Variants in CEP128 observed in about 807,000 individuals in gnomAD.
CEP128 encodes centrosomal protein 128kDa.
A neutral mutation model predicts 156.7 loss-of-function variants in CEP128; 132 were observed. The observed-to-expected ratio is 0.84, with a 90% CI of 0.73 to 0.97. The LOEUF (loss-of-function observed/expected upper bound fraction) is 0.97. Among genes scored for constraint, CEP128 ranks in the 50% least tolerant of loss-of-function variants. CEP128 has a pLI of 0.00. For missense variants in CEP128, 1,252 were observed against 1,281.9 expected (o/e 0.98, Z 0.36); for synonymous variants, 469 against 448.9 (o/e 1.04, Z -0.57).
chr14:80,576,440 T>C (rs1226966151), intron 20 of CEP128, among the ~76,000 whole-genome samples: 1 of 152,192 alleles, frequency 6.6e-6, no homozygotes, highest in South Asian at 2.1e-4. Flanking sequence ...GCAGACAATG[T>C]TAAGCTCCAA....
intron 19 of CEP128, among the ~76,000 whole-genome samples, chr14:80,597,689 T>C (rs1348745258): frequency 6.6e-6 from 1 of 151,082 alleles, no homozygotes; most frequent in Non-Finnish European, 1.5e-5. Context: ...AGAAAACACA[T>C]CTTTTTTAAA....
chr14:80,565,287 G>C (rs542443460), intron 20 of CEP128, among the ~76,000 whole-genome samples: 1 of 152,026 alleles, frequency 6.6e-6, no homozygotes, highest in African/African-American at 2.4e-5. Context: ...AACAGAAGAC[G>C]TTAAGATAAC....
chr14:80,756,854 A>G (rs752747670), intron 18 of CEP128, 38 bp downstream of exon 18: 1 of 1,356,904 alleles, frequency 7.4e-7, no homozygotes, highest in Non-Finnish European at 1.0e-6. Flanking sequence ...TAAAGATCAT[A>G]AATATTACAA....
intron 19 of CEP128, among the ~76,000 whole-genome samples, chr14:80,661,971 A>G (rs1419224068): frequency 3.3e-5 from 5 of 152,204 alleles, no homozygotes; most frequent in Non-Finnish European, 5.9e-5. Context: ...CTCAGTTTCT[A>G]TTAAATCTTC....
chr14:80,590,070 G>A (rs561705821), intron 19 of CEP128, among the ~76,000 whole-genome samples: 1 of 152,232 alleles, frequency 6.6e-6, no homozygotes, highest in Non-Finnish European at 1.5e-5. Flanking sequence ...GATACCCAGT[G>A]AGTAGGCAGT....
At chr14:80,724,159 T>C (rs550877716) in intron 19 of CEP128, among the ~76,000 whole-genome samples, 13 of 152,344 alleles carry the variant, frequency 8.5e-5, no homozygotes, top group African/African-American at 3.1e-4. Flanking sequence ...TCAGGAACCA[T>C]GTGCTCACAA....
intron 19 of CEP128, among the ~76,000 whole-genome samples, chr14:80,679,349 C>T (rs1235551593): frequency 1.3e-5 from 2 of 152,138 alleles, no homozygotes. Flanking sequence ...GGGAAGATAT[C>T]GCTAAATTCT....
At chr14:80,544,173 T>C (rs959153432) in intron 21 of CEP128, among the ~76,000 whole-genome samples, 8 of 152,150 alleles carry the variant, frequency 5.3e-5, no homozygotes, top group African/African-American at 1.7e-4. Context: ...TGAATGAAAA[T>C]AGGTCAATAG....
intron 19 of CEP128, among the ~76,000 whole-genome samples, chr14:80,735,399 G>A (rs115294945): frequency 2.0e-4 from 30 of 152,142 alleles, no homozygotes; most frequent in African/African-American, 6.0e-4. Flanking sequence ...ACCACGTTTC[G>A]CACATTTCCA....
intron 1 of CEP128, chr14:80,959,370 T>C (rs180723876): frequency 9.3e-4 from 141 of 152,358 alleles, no homozygotes; most frequent in Middle Eastern, 3.4e-3. Context: ...TGTTGGCATA[T>C]AATTATAGAT....
chr14:80,506,272 G>A (rs928888589), intron 23 of CEP128, among the ~76,000 whole-genome samples: 1 of 151,382 alleles, frequency 6.6e-6, no homozygotes, highest in African/African-American at 2.4e-5. Context: ...CACAGCTTAG[G>A]TACACTGAGC....
At chr14:80,901,731 C>G (rs1011585224) in intron 6 of CEP128, among the ~76,000 whole-genome samples, 1 of 152,186 alleles carries the variant, frequency 6.6e-6, no homozygotes, top group African/African-American at 2.4e-5. Flanking sequence ...CAAGACCTTT[C>G]CATTTTATCC....
At chr14:80,651,160 C>T (rs1894886283) in intron 19 of CEP128, among the ~76,000 whole-genome samples, 1 of 152,072 alleles carries the variant, frequency 6.6e-6, no homozygotes, top group Admixed American at 6.6e-5. Context: ...TGTATATGTC[C>T]AGGAACTTTT....
intron 9 of CEP128, among the ~76,000 whole-genome samples, chr14:80,859,050 T>A (rs228115): frequency 0.29 from 43,025 of 146,062 alleles, 5,355 homozygotes; most frequent in Non-Finnish European, 0.36. Flanking sequence ...TTACTGGGTA[T>A]ATACCCAAAG....
At chr14:80,503,663 A>T (rs1382017290) in intron 24 of CEP128, among the ~76,000 whole-genome samples, 1 of 152,156 alleles carries the variant, frequency 6.6e-6, no homozygotes, top group Non-Finnish European at 1.5e-5. Context: ...TTTATATTAG[A>T]AGGACTTGGA....
intron 24 of CEP128, among the ~76,000 whole-genome samples, chr14:80,501,514 CTTT>C (rs1353558785): frequency 6.6e-6 from 1 of 151,110 alleles, no homozygotes; most frequent in Non-Finnish European, 1.5e-5. Context: ...TTTTCTTTTT[CTTT>C]TTTTTGTAAT....
intron 19 of CEP128, among the ~76,000 whole-genome samples, chr14:80,713,007 G>A (rs1337616048): frequency 6.6e-6 from 1 of 152,092 alleles, no homozygotes; most frequent in Non-Finnish European, 1.5e-5. Flanking sequence ...AAAACCAAAA[G>A]TTGAATCTAA....
Position 80,792,946 on chromosome 14 carries a change from A to T in CEP128, c.1374T>A (p.Ala458=). The change falls in exon 14 of 25, where the codon GCT becomes GCA. Residue 458 remains alanine (A), a synonymous_variant. Transcript: ENST00000555265. ...GCTGGAGCTCACTGAGGTACCGCTC[A>T]GCCTGCTTGGTTGCATCCTCCGCAT... ...TRHAEDATKQ[A]ERYLSELQQS... 1 of 1,614,210 alleles carries T rather than the reference A, an allele frequency of 6.2e-7. No homozygotes were observed. The highest frequency in any genetic ancestry group is 1.1e-5 in the South Asian group (1 of 91,086).
chr14:80,700,512 G>A (rs770097058), intron 19 of CEP128, among the ~76,000 whole-genome samples: 3 of 151,064 alleles, frequency 2.0e-5, no homozygotes, highest in Non-Finnish European at 2.9e-5. Flanking sequence ...CATCTATCAC[G>A]TTATTCATTG....
Sources: gnomAD v4.1 joint callset for allele counts (sites outside exome capture counted in the v4.1 genomes callset) on GRCh38, gnomAD v4.1.1 for gene constraint, MANE v1.5 for transcripts, NCBI Gene and HGNC (gene_info 2026-07-23, HGNC 2026-07-21) for gene names.